The following DSCAML1 variants were observed in gnomAD, a reference collection of about 807,000 sequenced individuals.
The protein encoded by DSCAML1 is cell adhesion molecule DSCAML1.
In DSCAML1, 38 loss-of-function variants were observed where a neutral mutation model predicts 200.5. The observed-to-expected ratio is 0.19, with a 90% CI of 0.15 to 0.25. The LOEUF is 0.25. DSCAML1 is among the 10% of genes least tolerant of loss of function. The probability of loss-of-function intolerance (pLI) is 1.00; values close to 1 mark genes in which losing one functional copy is unlikely to be tolerated. For missense variants in DSCAML1, 2,223 were observed against 2,858.8 expected (o/e 0.78, Z 5.07); for synonymous variants, 1,215 against 1,165.0 (o/e 1.04, Z -0.87).
chr11:117,685,669 G>A (rs560548111), intron 3 of DSCAML1, among the ~76,000 whole-genome samples: 3 of 152,182 alleles, frequency 2.0e-5, no homozygotes, highest in Non-Finnish European at 2.9e-5. Context: ...GGGAGGAGAC[G>A]GAAAGCACGC....
rs767786244 is a variant in DSCAML1 at position 117,613,568 on chromosome 11, C to G, written c.512-81046G>C. On this transcript the variant is annotated intron_variant, in intron 3 of 32. Coordinates refer to ENST00000651296, the MANE Select transcript of DSCAML1 (RefSeq NM_020693.4). ...AGTCAACACCAGCTCATTAAATACT[C>G]GGGGCTGGCTAGCTATTAAAAGAAT... Among the ~76,000 whole-genome samples the G allele has an allele frequency of 6.6e-5, 10 of 152,120 alleles. No homozygotes were observed. In the East Asian group the frequency reaches 1.3e-3, roughly 21 times the overall value.
At chr11:117,691,407 A>T (rs1018883852) in intron 3 of DSCAML1, among the ~76,000 whole-genome samples, 4 of 152,168 alleles carry the variant, frequency 2.6e-5, no homozygotes, top group Admixed American at 2.6e-4. Context: ...TTGCATGTTT[A>T]CATTATGGTT....
chr11:117,709,937 T>C (rs937377601), intron 3 of DSCAML1, among the ~76,000 whole-genome samples: 2 of 152,184 alleles, frequency 1.3e-5, no homozygotes, highest in African/African-American at 4.8e-5. Flanking sequence ...CAGGACCTCC[T>C]TGGAGACACA....
At chr11:117,569,930 T>C (rs1202727610) in intron 3 of DSCAML1, among the ~76,000 whole-genome samples, 1 of 152,228 alleles carries the variant, frequency 6.6e-6, no homozygotes, top group Non-Finnish European at 1.5e-5. Flanking sequence ...CCTGACTCTC[T>C]GGCATGGGAT....
Position 117,797,198 on chromosome 11 carries a change from C to T in DSCAML1, c.-119G>A. On this transcript the variant is annotated 5_prime_UTR_variant, in exon 1 of 33. Coordinates refer to ENST00000651296, the MANE Select transcript of DSCAML1 (RefSeq NM_020693.4). ...ACTCGGCGCCCCGCTCTCTCTGCTC[C>T]TCAGCCCAGCGCTCGGCTGCGGCGG... 2 of 1,536,816 alleles carry T rather than the reference C, an allele frequency of 1.3e-6. No homozygotes were observed. The highest frequency in any genetic ancestry group is 8.7e-7 in the Non-Finnish European group (1 of 1,143,404).
chr11:117,641,846 A>G (rs1565845401), intron 3 of DSCAML1, among the ~76,000 whole-genome samples: 1 of 152,138 alleles, frequency 6.6e-6, no homozygotes, highest in Non-Finnish European at 1.5e-5. Flanking sequence ...CACCTACTGC[A>G]TATCGTACCC....
chr11:117,595,763 G>C (rs1782004100), intron 3 of DSCAML1, among the ~76,000 whole-genome samples: 1 of 151,786 alleles, frequency 6.6e-6, no homozygotes, highest in East Asian at 1.9e-4. Flanking sequence ...ATTTTTGTGA[G>C]CTCCATGTAT....
chr11:117,637,091 C>T (rs2137584747), intron 3 of DSCAML1, among the ~76,000 whole-genome samples: 1 of 152,180 alleles, frequency 6.6e-6, no homozygotes, highest in African/African-American at 2.4e-5. Context: ...TCCAGCCCTA[C>T]ATCCCTCCCC....
At chr11:117,651,476 C>T (rs1297767789) in intron 3 of DSCAML1, among the ~76,000 whole-genome samples, 5 of 151,734 alleles carry the variant, frequency 3.3e-5, no homozygotes, top group African/African-American at 9.7e-5. Flanking sequence ...GAGGCCGAGG[C>T]GGGCAGATCA....
chr11:117,493,547 C>A (rs2049230134), intron 11 of DSCAML1, among the ~76,000 whole-genome samples: 1 of 151,970 alleles, frequency 6.6e-6, no homozygotes, highest in African/African-American at 2.4e-5. Context: ...ATCTCCTGAC[C>A]TCGTGATCTG....
At chr11:117,533,901 T>C (rs1287461499) in intron 3 of DSCAML1, among the ~76,000 whole-genome samples, 1 of 152,198 alleles carries the variant, frequency 6.6e-6, no homozygotes, top group Non-Finnish European at 1.5e-5. Flanking sequence ...TGGGGTCCTC[T>C]GCCTCCTCTT....
At chr11:117,481,029 G>A in intron 13 of DSCAML1, 145 bp downstream of exon 13, 1 of 750,648 alleles carries the variant, frequency 1.3e-6, no homozygotes, top group Non-Finnish European at 2.2e-6. Flanking sequence ...GAGGGCAGGT[G>A]GAGGGAGGCT....
intron 3 of DSCAML1, among the ~76,000 whole-genome samples, chr11:117,564,107 A>AT (rs1253582534): frequency 6.6e-6 from 1 of 152,210 alleles, no homozygotes; most frequent in African/African-American, 2.4e-5. Context: ...AAGCAGTTCT[A>AT]TTTTTGGGAA....
intron 11 of DSCAML1, among the ~76,000 whole-genome samples, chr11:117,492,670 C>G (rs534117054): frequency 1.3e-5 from 2 of 152,184 alleles, no homozygotes; most frequent in African/African-American, 4.8e-5. Flanking sequence ...TGCTGTTTGG[C>G]GGTGTGAGAT....
intron 3 of DSCAML1, among the ~76,000 whole-genome samples, chr11:117,576,073 T>C (rs2050928887): frequency 6.6e-6 from 1 of 152,030 alleles, no homozygotes; most frequent in Non-Finnish European, 1.5e-5. Flanking sequence ...CCAGCGAGGC[T>C]CCTGCCCTAT....
chr11:117,660,935 T>C (rs1237459744), intron 3 of DSCAML1, among the ~76,000 whole-genome samples: 1 of 152,224 alleles, frequency 6.6e-6, no homozygotes, highest in Non-Finnish European at 1.5e-5. Flanking sequence ...ATCCCATCAT[T>C]AAGGGTTCCT....
At chr11:117,711,664 G>A (rs1451751751) in intron 3 of DSCAML1, among the ~76,000 whole-genome samples, 1 of 152,160 alleles carries the variant, frequency 6.6e-6, no homozygotes, top group East Asian at 1.9e-4. Flanking sequence ...CCAGGCTCAA[G>A]AAAGAAGATT....
At chr11:117,560,862 A>T (rs1263542208) in intron 3 of DSCAML1, among the ~76,000 whole-genome samples, 1 of 152,144 alleles carries the variant, frequency 6.6e-6, no homozygotes, top group Non-Finnish European at 1.5e-5. Context: ...TCATCATTGT[A>T]TTGCATAATT....
At chr11:117,509,806 C>T (rs780710027) in intron 8 of DSCAML1, among the ~76,000 whole-genome samples, 2 of 152,240 alleles carry the variant, frequency 1.3e-5, no homozygotes, top group Non-Finnish European at 1.5e-5. Context: ...CTGGGAAAGC[C>T]ATCCTCCCGG....
Sources: allele counts gnomAD v4.1 joint callset (sites outside exome capture counted in the v4.1 genomes callset), GRCh38; gene constraint gnomAD v4.1.1; transcripts MANE v1.5; gene names NCBI Gene and HGNC (gene_info 2026-07-23, HGNC 2026-07-21).